Variants in NXPH1 observed in about 807,000 individuals in gnomAD.
The protein encoded by NXPH1 is neurexophilin-1.
A neutral mutation model predicts 23.7 loss-of-function variants in NXPH1; 5 were observed. That is an observed-to-expected ratio of 0.21 (90% confidence interval 0.11 to 0.44). The LOEUF (loss-of-function observed/expected upper bound fraction) is 0.44. Among genes scored for constraint, NXPH1 ranks in the 20% least tolerant of loss-of-function variants. The probability of loss-of-function intolerance (pLI) is 0.99; values close to 1 mark genes in which losing one functional copy is unlikely to be tolerated. For synonymous variants in NXPH1, 144 were observed against 122.2 expected, an observed-to-expected ratio of 1.18 and a Z score of -1.18; for missense variants, 324 against 321.6, an observed-to-expected ratio of 1.01 and a Z score of -0.06.
intron 2 of NXPH1, among the ~76,000 whole-genome samples, chr7:8,577,758 G>A (rs1029713273): frequency 7.9e-5 from 12 of 152,158 alleles, no homozygotes; most frequent in African/African-American, 2.4e-4. Flanking sequence ...GTATTACGGA[G>A]GTGATGATGT....
At chr7:8,468,020 G>T (rs528808973) in intron 2 of NXPH1, among the ~76,000 whole-genome samples, 2 of 151,940 alleles carry the variant, frequency 1.3e-5, no homozygotes, top group Non-Finnish European at 2.9e-5. Context: ...GATAAATTGC[G>T]CAAAAAGAAA....
chr7:8,552,635 C>T (rs998706731), intron 2 of NXPH1, among the ~76,000 whole-genome samples: 1 of 151,468 alleles, frequency 6.6e-6, no homozygotes, highest in Admixed American at 6.6e-5. Context: ...GCAATCAGTT[C>T]TACAATTTAA....
intron 2 of NXPH1, among the ~76,000 whole-genome samples, chr7:8,615,352 T>C (rs1819712547): frequency 6.6e-6 from 1 of 152,030 alleles, no homozygotes; most frequent in Non-Finnish European, 1.5e-5. Flanking sequence ...CTGAGTACAT[T>C]TACTCATCTG....
intron 2 of NXPH1, among the ~76,000 whole-genome samples, chr7:8,604,305 A>G (rs187456843): frequency 8.5e-4 from 129 of 152,284 alleles, no homozygotes; most frequent in South Asian, 6.0e-3. Flanking sequence ...ATTTCTAATT[A>G]TCTTGTACAA....
intron 2 of NXPH1, among the ~76,000 whole-genome samples, chr7:8,709,902 C>A (rs1779760416): frequency 6.6e-6 from 1 of 152,148 alleles, no homozygotes; most frequent in South Asian, 2.1e-4. Context: ...AGTAGTTGAA[C>A]TTACTGCCTC....
intron 2 of NXPH1, among the ~76,000 whole-genome samples, chr7:8,638,426 C>T (rs1820253510): frequency 6.6e-6 from 1 of 152,114 alleles, no homozygotes; most frequent in Non-Finnish European, 1.5e-5. Flanking sequence ...TGCATATTAC[C>T]ACAGCTAGTG....
intron 2 of NXPH1, among the ~76,000 whole-genome samples, chr7:8,595,909 A>G (rs1819212432): frequency 6.6e-6 from 1 of 152,028 alleles, no homozygotes; most frequent in African/African-American, 2.4e-5. Context: ...AGGTTATTAT[A>G]AGGACAGATA....
chr7:8,668,537 A>G (rs1357303376), intron 2 of NXPH1, among the ~76,000 whole-genome samples: 4 of 152,040 alleles, frequency 2.6e-5, no homozygotes, highest in Admixed American at 2.0e-4. Context: ...CCACTTGGGT[A>G]GACCTGTTGA....
chr7:8,615,782 C>T (rs1182324024), intron 2 of NXPH1, among the ~76,000 whole-genome samples: 1 of 151,974 alleles, frequency 6.6e-6, no homozygotes, highest in Non-Finnish European at 1.5e-5. Context: ...AGATGTTAAT[C>T]AGGTAATCAC....
intron 2 of NXPH1, among the ~76,000 whole-genome samples, chr7:8,722,659 G>C (rs1034120984): frequency 6.6e-6 from 1 of 152,158 alleles, no homozygotes; most frequent in African/African-American, 2.4e-5. Context: ...GAAGTGATTT[G>C]GTGATTTCCA....
chr7:8,459,771 C>T (rs1816661261), intron 2 of NXPH1, among the ~76,000 whole-genome samples: 1 of 152,122 alleles, frequency 6.6e-6, no homozygotes, highest in South Asian at 2.1e-4. Context: ...TATAAAATCC[C>T]ATTATGAAGT....
At chr7:8,683,128 T>A (rs1475596433) in intron 2 of NXPH1, among the ~76,000 whole-genome samples, 1 of 152,242 alleles carries the variant, frequency 6.6e-6, no homozygotes, top group Admixed American at 6.5e-5. Flanking sequence ...AAGAAGCTTT[T>A]ATCCAGGTCG....
chr7:8,703,809 C>T (rs1383992347), intron 2 of NXPH1, among the ~76,000 whole-genome samples: 1 of 152,008 alleles, frequency 6.6e-6, no homozygotes, highest in African/African-American at 2.4e-5. Flanking sequence ...GCGGGCCAAC[C>T]CACTAGAAAG....
intron 2 of NXPH1, among the ~76,000 whole-genome samples, chr7:8,687,364 T>C (rs1349848328): frequency 6.6e-6 from 1 of 152,160 alleles, no homozygotes; most frequent in Non-Finnish European, 1.5e-5. Flanking sequence ...ATCAAATCTT[T>C]TAATATTTAG....
At chr7:8,635,564 G>T (rs558951130) in intron 2 of NXPH1, among the ~76,000 whole-genome samples, 1 of 152,124 alleles carries the variant, frequency 6.6e-6, no homozygotes, top group African/African-American at 2.4e-5. Context: ...AGAAAATAAA[G>T]ATGCATCAAG....
chr7:8,440,574 T>C (rs1816280566), intron 2 of NXPH1, among the ~76,000 whole-genome samples: 2 of 152,156 alleles, frequency 1.3e-5, no homozygotes, highest in South Asian at 4.1e-4. Flanking sequence ...TTGAGATAGG[T>C]GCCCAGTGTC....
chr7:8,701,123 A>G (rs1200577750), intron 2 of NXPH1, among the ~76,000 whole-genome samples: 1 of 152,084 alleles, frequency 6.6e-6, no homozygotes, highest in African/African-American at 2.4e-5. Flanking sequence ...TATAAGGCAT[A>G]TCTCCAAGGC....
intron 2 of NXPH1, among the ~76,000 whole-genome samples, chr7:8,601,920 GACC>G (rs1351213468): frequency 6.6e-6 from 1 of 152,192 alleles, no homozygotes; most frequent in Non-Finnish European, 1.5e-5. Context: ...CCAGACCGAA[GACC>G]AATGGCCACA....
chr7:8,636,369 CA>C (rs1426145095), intron 2 of NXPH1, among the ~76,000 whole-genome samples: 2 of 152,152 alleles, frequency 1.3e-5, no homozygotes, highest in African/African-American at 4.8e-5. Context: ...TTTTGGCCTG[CA>C]AAAGTGTTCA....
Sources: allele counts gnomAD v4.1 joint callset (sites outside exome capture counted in the v4.1 genomes callset), GRCh38; gene constraint gnomAD v4.1.1; transcripts MANE v1.5; gene names NCBI Gene and HGNC (gene_info 2026-07-23, HGNC 2026-07-21).